The following SESTD1 variants were observed in gnomAD, a reference collection of about 807,000 sequenced individuals.
The protein encoded by SESTD1 is SEC14 domain and spectrin repeat-containing protein 1.
In SESTD1, 43 loss-of-function variants were observed where a neutral mutation model predicts 101.7. The ratio of observed to expected loss-of-function variants is 0.42; its 90% confidence interval spans 0.33 to 0.55. SESTD1 has a LOEUF of 0.55. SESTD1 is among the 20% of genes least tolerant of loss of function. SESTD1 has a pLI of 0.07. For missense variants in SESTD1, 647 were observed against 815.1 expected (o/e 0.79, Z 2.51); for synonymous variants, 283 against 286.8 (o/e 0.99, Z 0.13).
At chr2:179,187,561 G>T (rs1469822730) in intron 2 of SESTD1, among the ~76,000 whole-genome samples, 1 of 152,202 alleles carries the variant, frequency 6.6e-6, no homozygotes, top group Admixed American at 6.5e-5. Context: ...TTGGGCCCAG[G>T]AGGTCAAGGC....
intron 13 of SESTD1, among the ~76,000 whole-genome samples, chr2:179,120,590 G>C (rs1468044006): frequency 6.6e-6 from 1 of 152,216 alleles, no homozygotes; most frequent in Non-Finnish European, 1.5e-5. Flanking sequence ...AAATCGAAAA[G>C]TCAGTTGTGC....
intron 5 of SESTD1, among the ~76,000 whole-genome samples, chr2:179,160,536 T>C (rs906623427): frequency 4.0e-5 from 6 of 151,814 alleles, no homozygotes; most frequent in African/African-American, 1.4e-4. Flanking sequence ...CTTTTAAATA[T>C]TTATTGACAT....
chr2:179,160,209 T>C (rs1271695976), intron 5 of SESTD1, among the ~76,000 whole-genome samples: 2 of 152,206 alleles, frequency 1.3e-5, no homozygotes, highest in East Asian at 3.9e-4. Flanking sequence ...CAACTAAAAG[T>C]AAGAACAAAA....
At chr2:179,199,772 C>T (rs983444694) in intron 1 of SESTD1, among the ~76,000 whole-genome samples, 5 of 152,244 alleles carry the variant, frequency 3.3e-5, no homozygotes, top group Non-Finnish European at 7.3e-5. Context: ...ATGCTAAAAA[C>T]TCTCAATAAA....
At position 179,104,707 on chromosome 2, in the gene SESTD1, A is replaced by T. The variant is rs2044342933; in HGVS notation, c.*5192T>A. The T allele has an allele frequency of 6.6e-6, 1 of 152,144 alleles. No homozygotes were observed. Among genetic ancestry groups the T allele is most frequent in the Admixed American group, 6.6e-5 (1 of 15,260 alleles). 9.4% of individuals were successfully genotyped at this position (152,144 alleles called of 1,614,324 possible). A position where few individuals can be genotyped will look rare whatever the true frequency, so the allele number is the denominator to read the frequency against. ...ATCCCTAATAACACTGCTCCTGATA[A>T]GTAGCAGTTGATAACTACTTTCAGT... is the stretch of plus-strand genomic sequence containing the variant. On this transcript the variant is annotated 3_prime_UTR_variant, in exon 18 of 18. Coordinates refer to ENST00000428443, the MANE Select transcript of SESTD1 (RefSeq NM_178123.5).
At chr2:179,141,705 T>C (rs1468445253) in intron 9 of SESTD1, among the ~76,000 whole-genome samples, 1 of 152,086 alleles carries the variant, frequency 6.6e-6, no homozygotes, top group Non-Finnish European at 1.5e-5. Flanking sequence ...ACCTTCCTTT[T>C]CCCCAAGGTC....
chr2:179,168,206 C>A (rs2045869364), intron 5 of SESTD1, among the ~76,000 whole-genome samples: 2 of 152,114 alleles, frequency 1.3e-5, no homozygotes, highest in African/African-American at 4.8e-5. Context: ...AGCCTCAAGA[C>A]AATGAGAATG....
At chr2:179,132,562 T>G (rs989008160) in intron 9 of SESTD1, 136 bp from the exon 10 acceptor site, 3 of 977,288 alleles carry the variant, frequency 3.1e-6, no homozygotes, top group Non-Finnish European at 4.3e-6. Context: ...ACATAGGCAG[T>G]AAATGTTTCT....
chr2:179,217,803 A>C (rs950651353), intron 1 of SESTD1, among the ~76,000 whole-genome samples: 2 of 152,194 alleles, frequency 1.3e-5, no homozygotes, highest in African/African-American at 2.4e-5. Flanking sequence ...TGCAGCCATA[A>C]AAAAGGATGA....
At chr2:179,227,708 G>A (rs558575428) in intron 1 of SESTD1, among the ~76,000 whole-genome samples, 1 of 152,252 alleles carries the variant, frequency 6.6e-6, no homozygotes, top group South Asian at 2.1e-4. Flanking sequence ...AGGCACCGAA[G>A]TAGCAATTCC....
chr2:179,255,276 T>C (rs940004780), intron 1 of SESTD1, among the ~76,000 whole-genome samples: 1 of 152,226 alleles, frequency 6.6e-6, no homozygotes, highest in African/African-American at 2.4e-5. Flanking sequence ...CAGGAAGGTA[T>C]GTCTAAAGAC....
At chr2:179,144,368 A>G (rs896822989) in intron 8 of SESTD1, among the ~76,000 whole-genome samples, 1 of 152,078 alleles carries the variant, frequency 6.6e-6, no homozygotes, top group Admixed American at 6.5e-5. Context: ...GTACAAAATA[A>G]TATTTATATA....
At chr2:179,193,905 C>T (rs2046354011) in intron 1 of SESTD1, among the ~76,000 whole-genome samples, 1 of 152,186 alleles carries the variant, frequency 6.6e-6, no homozygotes, top group South Asian at 2.1e-4. Context: ...TGCCCCAGTA[C>T]TATTTTACAG....
intron 1 of SESTD1, among the ~76,000 whole-genome samples, chr2:179,198,415 G>A (rs2046441307): frequency 6.6e-6 from 1 of 152,044 alleles, no homozygotes; most frequent in Non-Finnish European, 1.5e-5. Context: ...AAGCCAACAA[G>A]GATACCCAGG....
chr2:179,207,219 C>T (rs1395801939), intron 1 of SESTD1, among the ~76,000 whole-genome samples: 1 of 135,140 alleles, frequency 7.4e-6, no homozygotes, highest in African/African-American at 2.9e-5. Context: ...ATTATATCCA[C>T]CTCCTACCAC....
At chr2:179,196,988 C>A (rs941558293) in intron 1 of SESTD1, among the ~76,000 whole-genome samples, 8 of 152,178 alleles carry the variant, frequency 5.3e-5, no homozygotes, top group Admixed American at 2.6e-4. Flanking sequence ...GAGAAGAAGG[C>A]TTCAGACGAT....
intron 5 of SESTD1, among the ~76,000 whole-genome samples, chr2:179,161,420 T>C (rs1349778644): frequency 6.6e-6 from 1 of 152,186 alleles, no homozygotes; most frequent in Admixed American, 6.5e-5. Flanking sequence ...GGTATTATGT[T>C]GGGAGGCCAA....
intron 5 of SESTD1, among the ~76,000 whole-genome samples, chr2:179,164,817 G>A (rs2045806580): frequency 1.3e-5 from 2 of 152,194 alleles, no homozygotes; most frequent in South Asian, 4.1e-4. Flanking sequence ...ACCACTGGGT[G>A]TATACTTGAT....
In SESTD1 at chr2:179,214,320, A is replaced by T. The variant is rs2046690088; in HGVS notation, c.-25-22454T>A. Among the ~76,000 whole-genome samples, 3 of 134,244 alleles carry T rather than the reference A, an allele frequency of 2.2e-5. 1 individual carries two copies. The highest frequency in any genetic ancestry group is 8.9e-5 in the African/African-American group (3 of 33,866). The allele number at this position is 134,244 out of a possible 152,430, so 88.1% of individuals were successfully genotyped here. A position where few individuals can be genotyped will look rare whatever the true frequency, so the allele number is the denominator to read the frequency against. ...GCAAATGGAAAGCAAAAAAAAGCAAAGGTTGAAATCCTAGTCTCTGATAAA... is the reference window on the plus strand; with the variant it reads ...GCAAATGGAAAGCAAAAAAAAGCAATGGTTGAAATCCTAGTCTCTGATAAA... On this transcript the variant is annotated intron_variant, in intron 1 of 17. Transcript: ENST00000428443.
Sources: allele counts gnomAD v4.1 joint callset (sites outside exome capture counted in the v4.1 genomes callset), GRCh38; gene constraint gnomAD v4.1.1; transcripts MANE v1.5; gene names NCBI Gene and HGNC (gene_info 2026-07-23, HGNC 2026-07-21).